Variants in UGT1A8 observed in about 807,000 individuals in gnomAD.
UGT1A8 encodes UDP-glucuronosyltransferase 1A8.
Under a neutral mutation model 45.3 loss-of-function variants are expected in UGT1A8, and 39 were observed. The ratio of observed to expected loss-of-function variants is 0.86; its 90% CI spans 0.67 to 1.12. UGT1A8 has a LOEUF of 1.12. Ranked by LOEUF, UGT1A8 falls within the 50% of genes most tolerant of loss-of-function variation. UGT1A8 has a pLI of 0.00. For synonymous variants in UGT1A8, 275 were observed against 249.2 expected (o/e 1.10, Z -0.97); for missense variants, 719 against 664.9 (o/e 1.08, Z -0.90).
At chr2:233,708,451 T>G (rs1007401152) in intron 1 of UGT1A8, 1 of 152,222 alleles carries the variant, frequency 6.6e-6, no homozygotes, top group African/African-American at 2.4e-5. Context: ...CTTCTGCATT[T>G]AATAGAATTG....
chr2:233,638,990 T>C (rs2073377779), intron 1 of UGT1A8, among the ~76,000 whole-genome samples: 1 of 152,174 alleles, frequency 6.6e-6, no homozygotes, highest in Non-Finnish European at 1.5e-5. Flanking sequence ...GCACCACCCA[T>C]GTGTTGCCTA....
In UGT1A8 at chr2:233,618,384, A is replaced by G. The variant is rs760857726; in HGVS notation, c.677A>G (p.Asn226Ser). ...EHLFCQYFSK[N>S]ALEIASEILQ... ...TTATTTTGCCAGTATTTTTCCAAAA[A>G]TGCCCTAGAAATAGCCTCTGAAATT... The change falls in exon 1 of 5, where the codon AAT (asparagine) becomes AGT (serine). Residue 226 changes from asparagine (N) to serine (S), a missense_variant. Physicochemically the swap from Asn to Ser is conservative, Grantham distance 46 (BLOSUM62 1). Coordinates refer to ENST00000373450, the MANE Select transcript of UGT1A8 (RefSeq NM_019076.5). The G allele has an allele frequency of 6.2e-7, 1 of 1,613,828 alleles. No individual in the cohort carries two copies. The highest frequency in any genetic ancestry group is 1.3e-5 in the African/African-American group (1 of 74,912).
chr2:233,665,324 G>A (rs777773263), intron 1 of UGT1A8, among the ~76,000 whole-genome samples: 5 of 152,172 alleles, frequency 3.3e-5, no homozygotes, highest in Non-Finnish European at 7.4e-5. Context: ...ACATTAGTAT[G>A]TAAACACTCT....
intron 1 of UGT1A8, among the ~76,000 whole-genome samples, chr2:233,736,048 T>A (rs909301616): frequency 6.6e-6 from 1 of 152,208 alleles, no homozygotes; most frequent in African/African-American, 2.4e-5. Context: ...TGAATTTGAA[T>A]GTTGGCCTGC....
At chr2:233,727,543 C>G (rs1033335466) in intron 1 of UGT1A8, among the ~76,000 whole-genome samples, 5 of 152,154 alleles carry the variant, frequency 3.3e-5, no homozygotes, top group Non-Finnish European at 7.3e-5. Flanking sequence ...GTGTTCCACC[C>G]GTCACCTGGG....
At chr2:233,629,860 G>A (rs896853220) in intron 1 of UGT1A8, among the ~76,000 whole-genome samples, 11 of 152,054 alleles carry the variant, frequency 7.2e-5, no homozygotes, top group Non-Finnish European at 1.5e-4. Context: ...CTGGCAGTTT[G>A]TGTCTTTAAC....
intron 1 of UGT1A8, chr2:233,754,534 G>A (rs1695504785): frequency 2.7e-6 from 1 of 372,112 alleles, no homozygotes; most frequent in Non-Finnish European, 5.3e-6. Flanking sequence ...GGCAAATGTG[G>A]ACTGGAATTA....
Position 233,768,300 on chromosome 2 carries a change from G to C in UGT1A8, c.1156G>C (p.Val386Leu), listed in dbSNP as rs1365887380. Residue 386 changes from valine (V) to leucine (L), a missense_variant, in exon 4 of 5, where the codon GTG becomes CTG. Coordinates refer to ENST00000373450, the MANE Select transcript of UGT1A8 (RefSeq NM_019076.5). Reference protein sequence around the residue: ...YESICNGVPMVMMPLFGDQMD... With the variant: ...YESICNGVPMLMMPLFGDQMD... ...AAGCATATGCAATGGCGTTCCCATG[G>C]TGATGATGCCCTTGTTTGGTGATCA... 1 of 1,614,196 alleles carries C rather than the reference G, an allele frequency of 6.2e-7. No homozygotes were observed. Among genetic ancestry groups the C allele is most frequent in the Admixed American group, 1.7e-5 (1 of 60,014 alleles).
chr2:233,736,804 G>A (rs1221083478), intron 1 of UGT1A8, among the ~76,000 whole-genome samples: 2 of 152,210 alleles, frequency 1.3e-5, no homozygotes, highest in African/African-American at 4.8e-5. Context: ...GGAGTTTGCT[G>A]GAGGTCCACT....
At chr2:233,629,979 C>G (rs893510473) in intron 1 of UGT1A8, among the ~76,000 whole-genome samples, 5 of 152,028 alleles carry the variant, frequency 3.3e-5, no homozygotes, top group South Asian at 2.1e-4. Context: ...TACCACCTCT[C>G]TCATTCCTAA....
chr2:233,717,792 G>A (rs1353792882), intron 1 of UGT1A8: 6 of 456,092 alleles, frequency 1.3e-5, no homozygotes, highest in African/African-American at 4.0e-5. Flanking sequence ...GAAATTTGAA[G>A]TAGTGCCCCC....
chr2:233,712,155 C>G (rs1431486401), intron 1 of UGT1A8, among the ~76,000 whole-genome samples: 1 of 152,220 alleles, frequency 6.6e-6, no homozygotes, highest in Non-Finnish European at 1.5e-5. Context: ...AAGAGGAATT[C>G]AGACTGTGCA....
intron 1 of UGT1A8, chr2:233,718,046 C>G (rs534581999): frequency 3.7e-4 from 137 of 366,642 alleles, no homozygotes; most frequent in African/African-American, 2.8e-3. Context: ...AGCAGGAGCT[C>G]CCTGAACCCA....
At chr2:233,634,129 T>C (rs984029662) in intron 1 of UGT1A8, among the ~76,000 whole-genome samples, 4 of 152,352 alleles carry the variant, frequency 2.6e-5, no homozygotes, top group African/African-American at 7.2e-5. Flanking sequence ...TTGAGTGAGT[T>C]TCTTAATCCC....
At chr2:233,729,556 A>T (rs150465811) in intron 1 of UGT1A8, 1 of 1,614,134 alleles carries the variant, frequency 6.2e-7, no homozygotes, top group East Asian at 2.2e-5. Context: ...CCTGAATGCT[A>T]CTTCCTTTGA....
At chr2:233,724,576 G>A (rs1380708117) in intron 1 of UGT1A8, among the ~76,000 whole-genome samples, 1 of 128,988 alleles carries the variant, frequency 7.8e-6, no homozygotes, top group South Asian at 3.2e-4. Flanking sequence ...GCGGGGCAGA[G>A]GCGCTCCCCA....
chr2:233,769,562 A>C lies in UGT1A8; in HGVS notation c.1295+1123A>C. The C allele has an allele frequency of 6.2e-7, 1 of 1,612,906 alleles. No homozygotes were observed. The highest frequency in any genetic ancestry group is 8.5e-7 in the Non-Finnish European group (1 of 1,179,830). ...GCAGCAGTCAGGAAGACAGATGTGA[A>C]GAGCTGGAGCATGTTCAGATGAGAG... On this transcript the variant is annotated intron_variant, in intron 4 of 4. Transcript: ENST00000373450. The surrounding 1 kb of genome is among the most constrained non-coding windows in gnomAD (Gnocchi z 4.4).
intron 1 of UGT1A8, chr2:233,740,890 A>G (rs1162422597): frequency 6.6e-6 from 1 of 150,830 alleles, no homozygotes; most frequent in Non-Finnish European, 1.5e-5. Context: ...TGCAGGGACA[A>G]CATAGTAGGT....
At chr2:233,658,115 T>C (rs2073895025) in intron 1 of UGT1A8, among the ~76,000 whole-genome samples, 1 of 151,416 alleles carries the variant, frequency 6.6e-6, no homozygotes, top group Non-Finnish European at 1.5e-5. Context: ...GCCTCCTGGG[T>C]TCAAATGATT....
Sources: allele counts gnomAD v4.1 joint callset (sites outside exome capture counted in the v4.1 genomes callset), GRCh38; gene constraint gnomAD v4.1.1; non-coding constraint Gnocchi (gnomAD v3.1); transcripts MANE v1.5; gene names NCBI Gene and HGNC (gene_info 2026-07-23, HGNC 2026-07-21).